The following ATXN2 variants were observed in gnomAD, a reference collection of about 807,000 sequenced individuals.
ATXN2 encodes ataxin 2.
ATXN2 carries 37 observed loss-of-function variants against 138.6 expected under a neutral mutation model. That is an observed-to-expected ratio of 0.27 (90% CI 0.21 to 0.35). The LOEUF is 0.35. ATXN2 is among the 10% of genes least tolerant of loss of function. ATXN2 has a pLI of 1.00. For synonymous variants in ATXN2, 549 were observed against 543.7 expected (o/e 1.01, Z -0.13); for missense variants, 1,216 against 1,480.3 (o/e 0.82, Z 2.93).
At chr12:111,548,138 C>T (rs923165724) in intron 5 of ATXN2, among the ~76,000 whole-genome samples, 2 of 151,596 alleles carry the variant, frequency 1.3e-5, no homozygotes, top group East Asian at 1.9e-4. Context: ...GGTTGCAGTG[C>T]GCCAAGATCA....
Position 111,470,121 on chromosome 12 carries a change from C to A in ATXN2, c.2829G>T (p.Thr943=). 6.2e-7 allele frequency: 1 copy of A among 1,613,914 alleles called. No individual in the cohort carries two copies. Among genetic ancestry groups the A allele is most frequent in the Non-Finnish European group, 8.5e-7 (1 of 1,179,904 alleles). ...AGTGCTTCCTACCATACATCGCATG[C>A]GTCTGCTCATGAGCCCCGTACTGAG... ...SATQYGAHEQ[T]HAMYACPKLP... is the part of the protein sequence containing the mutation. The change falls in exon 20 of 25, where the codon ACG becomes ACT. Residue 943 remains threonine, a synonymous_variant. Coordinates refer to ENST00000673436, the MANE Select transcript of ATXN2 (RefSeq NM_001372574.1).
chr12:111,560,998 G>A (rs112261434), intron 1 of ATXN2, among the ~76,000 whole-genome samples: 8 of 152,272 alleles, frequency 5.3e-5, no homozygotes, highest in African/African-American at 1.4e-4. Flanking sequence ...GCCAAGGCGG[G>A]CTGAAACCCC....
intron 5 of ATXN2, among the ~76,000 whole-genome samples, chr12:111,531,066 C>T (rs1004225858): frequency 3.4e-5 from 5 of 149,076 alleles, no homozygotes; most frequent in African/African-American, 5.0e-5. Context: ...TGCGGTGAGC[C>T]GAGATCGCAC....
At chr12:111,521,712 C>T (rs180966462) in intron 6 of ATXN2, among the ~76,000 whole-genome samples, 49 of 152,282 alleles carry the variant, frequency 3.2e-4, no homozygotes, top group Non-Finnish European at 4.1e-4. Context: ...CACAATTCTA[C>T]GAGGAAACTA....
intron 1 of ATXN2, among the ~76,000 whole-genome samples, chr12:111,591,063 T>TGCG (rs1707445957): frequency 6.6e-6 from 1 of 151,976 alleles, no homozygotes; most frequent in Non-Finnish European, 1.5e-5. Context: ...CTAATTTTTT[T>TGCG]GTATTTTTAG....
chr12:111,513,668 A>AAT, intron 10 of ATXN2, 129 bp from the exon 11 acceptor site: 2 of 784,588 alleles, frequency 2.5e-6, no homozygotes, highest in Non-Finnish European at 3.5e-6. Context: ...CTTGGTTAAA[A>AAT]ATAGAAAAAA....
At chr12:111,594,522 C>A (rs934728585) in intron 1 of ATXN2, among the ~76,000 whole-genome samples, 2 of 151,616 alleles carry the variant, frequency 1.3e-5, no homozygotes, top group African/African-American at 4.8e-5. Flanking sequence ...TGCAATGCCT[C>A]AAGAGAAAGA....
Position 111,555,923 on chromosome 12 carries a change from A to C in ATXN2, c.252-4T>G. 1 of 1,591,570 alleles carries C rather than the reference A, an allele frequency of 6.3e-7. No individual in the cohort carries two copies. The highest frequency in any genetic ancestry group is 8.6e-7 in the Non-Finnish European group (1 of 1,167,980). On this transcript the variant is annotated splice_polypyrimidine_tract_variant and splice_region_variant and intron_variant, in intron 1 of 24. Coordinates refer to ENST00000673436, the MANE Select transcript of ATXN2 (RefSeq NM_001372574.1). ...TCCTTTGTTACTGTTTCGACCTCTGAAAAGATTAAATATTATTTTTATTAA... is the reference window on the plus strand; with the variant it reads ...TCCTTTGTTACTGTTTCGACCTCTGCAAAGATTAAATATTATTTTTATTAA...
At chr12:111,597,090 C>T (rs1884972737) in intron 1 of ATXN2, among the ~76,000 whole-genome samples, 1 of 144,140 alleles carries the variant, frequency 6.9e-6, no homozygotes, top group Non-Finnish European at 1.5e-5. Context: ...CTTGGGGAAA[C>T]GATCACTTCA....
At position 111,552,741 on chromosome 12, in the gene ATXN2, A is replaced by C. The variant is rs1309012981; in HGVS notation, c.420+165T>G. 1.8e-6 allele frequency: 1 copy of C among 564,022 alleles called. No individual in the cohort carries two copies. Among genetic ancestry groups the C allele is most frequent in the Admixed American group, 3.8e-5 (1 of 26,510 alleles). The allele number at this position is 564,022 out of a possible 1,614,324, so 34.9% of individuals were successfully genotyped here. Reference sequence around the variant, plus strand: ...AAATGGTTGAAATATTTTAATAAGCACACACATCAAGAAGCCTCTCTGATT... The same window carrying C: ...AAATGGTTGAAATATTTTAATAAGCCCACACATCAAGAAGCCTCTCTGATT... On this transcript the variant is annotated intron_variant, in intron 4 of 24. Transcript: ENST00000673436. This position sits in a 1 kb window ranked among gnomAD's most constrained non-coding sequence, Gnocchi z 4.1.
chr12:111,590,837 T>G (rs1884619468), intron 1 of ATXN2, among the ~76,000 whole-genome samples: 1 of 152,066 alleles, frequency 6.6e-6, no homozygotes, highest in Non-Finnish European at 1.5e-5. Flanking sequence ...GCAAGAGATG[T>G]AGGTTGTATG....
rs1880123107 is a variant in ATXN2 at position 111,520,933 on chromosome 12, T to G, written c.737A>C (p.Glu246Ala). The G allele has an allele frequency of 6.3e-7, 1 of 1,599,650 alleles. No homozygotes were observed. Among genetic ancestry groups the G allele is most frequent in the South Asian group, 1.1e-5 (1 of 89,056 alleles). ...WDPNDMFRYN[E>A]ENYGVVSTYD... is the part of the protein sequence containing the mutation. The stretch of plus-strand genomic sequence containing the variant: ...CGTAGACACTACACCATAATTTTCT[T>G]CATTATATCGAAACATATCATTGGG... Residue 246 changes from glutamate (E) to alanine (A), a missense_variant, in exon 7 of 25, where the codon GAA (glutamate) becomes GCA (alanine). Physicochemically the swap from Glu to Ala is moderately radical, Grantham distance 107. Coordinates refer to ENST00000673436, the MANE Select transcript of ATXN2 (RefSeq NM_001372574.1).
chr12:111,463,849 C>T (rs775867242), intron 21 of ATXN2, among the ~76,000 whole-genome samples: 10 of 152,116 alleles, frequency 6.6e-5, no homozygotes, highest in Non-Finnish European at 1.0e-4. Context: ...TGGAGTGGCA[C>T]GACTTCGGCT....
At chr12:111,476,889 A>C (rs560649412) in intron 18 of ATXN2, among the ~76,000 whole-genome samples, 2 of 152,346 alleles carry the variant, frequency 1.3e-5, no homozygotes, top group East Asian at 3.9e-4. Context: ...GAATAAGAGT[A>C]ATTTTGACGA....
rs192671968 is a variant in ATXN2 at position 111,484,345 on chromosome 12, T to C, written c.2524+920A>G. Among the ~76,000 whole-genome samples, 7 of 151,890 alleles carry C rather than the reference T, an allele frequency of 4.6e-5. No homozygotes were observed. The East Asian group carries it at 1.4e-3, about 29-fold the overall frequency. Reference sequence around the variant, plus strand: ...ATTGCCCATGCTGCTCTCGAACTCATGGGTTCAAGTCATCCTCCAGCTGGG... The same window carrying C: ...ATTGCCCATGCTGCTCTCGAACTCACGGGTTCAAGTCATCCTCCAGCTGGG... On this transcript the variant is annotated intron_variant, in intron 18 of 24. Transcript: ENST00000673436.
At chr12:111,486,690 G>A in intron 16 of ATXN2, 71 bp downstream of exon 16, 2 of 1,324,498 alleles carry the variant, frequency 1.5e-6, no homozygotes, top group Non-Finnish European at 2.1e-6. Context: ...GGCAGGTATG[G>A]AAGAAGGACT....
rs759657946 is a variant in ATXN2, at chr12:111,470,177, C to T, written c.2773G>A (p.Ala925Thr). 1.1e-5 allele frequency: 17 copies of T among 1,613,978 alleles called. No homozygotes were observed. The East Asian group carries it at 1.6e-4, about 15-fold the overall frequency. ...NARMMAPPTH[A>T]QPGLVSSSAT... ...GAAGAAGATACTAAACCAGGCTGGG[C>T]GTGTGTTGGTGGTGCCATCATTCTA... The change falls in exon 20 of 25, where the codon GCC (alanine) becomes ACC (threonine). Residue 925 changes from alanine to threonine, a missense_variant. Transcript: ENST00000673436.
chr12:111,570,129 A>C (rs1218366605), intron 1 of ATXN2, among the ~76,000 whole-genome samples: 2 of 152,206 alleles, frequency 1.3e-5, no homozygotes, highest in Non-Finnish European at 2.9e-5. Flanking sequence ...CGAGTTCTCC[A>C]GACAGTAAGC....
chr12:111,506,138 C>T (rs773045370), intron 14 of ATXN2, among the ~76,000 whole-genome samples: 1 of 152,038 alleles, frequency 6.6e-6, no homozygotes, highest in African/African-American at 2.4e-5. Context: ...GGAATTTGCC[C>T]CAAATAAGCC....
Sources: allele counts gnomAD v4.1 joint callset (sites outside exome capture counted in the v4.1 genomes callset), GRCh38; gene constraint gnomAD v4.1.1; non-coding constraint Gnocchi (gnomAD v3.1); transcripts MANE v1.5; gene names NCBI Gene and HGNC (gene_info 2026-07-23, HGNC 2026-07-21).